Variants in CDH23 observed in about 807,000 individuals in gnomAD.
CDH23 encodes the protein cadherin related 23.
In CDH23, 189 loss-of-function variants were observed where a neutral mutation model predicts 317.1. The ratio of observed to expected loss-of-function variants is 0.60; its 90% CI spans 0.53 to 0.67. The LOEUF is 0.67. CDH23 is among the 30% of genes least tolerant of loss of function. The pLI, the probability that CDH23 is intolerant of heterozygous loss-of-function variation, is 0.00. For missense variants in CDH23, 4,401 were observed against 4,592.4 expected, an observed-to-expected ratio of 0.96 and a Z score of 1.20; for synonymous variants, 1,839 against 1,876.8, an observed-to-expected ratio of 0.98 and a Z score of 0.52.
At chr10:71,532,996 T>C (rs1855489250) in intron 6 of CDH23, among the ~76,000 whole-genome samples, 1 of 152,174 alleles carries the variant, frequency 6.6e-6, no homozygotes, top group South Asian at 2.1e-4. Context: ...CCTCTCAAAG[T>C]GCTGGGATTA....
chr10:71,422,744 CT>C (rs1184395147), intron 1 of CDH23, among the ~76,000 whole-genome samples: 3 of 152,224 alleles, frequency 2.0e-5, no homozygotes, highest in African/African-American at 7.2e-5. Context: ...GCTTTCCTAG[CT>C]GAAGGACCCA....
At chr10:71,430,175 C>T (rs1371286157) in intron 1 of CDH23, among the ~76,000 whole-genome samples, 1 of 152,032 alleles carries the variant, frequency 6.6e-6, no homozygotes, top group Admixed American at 6.5e-5. Context: ...TGGGCTGTTC[C>T]CCTGCTGGTG....
intron 28 of CDH23, chr10:71,713,734 G>T: frequency 6.0e-6 from 1 of 167,756 alleles, no homozygotes; most frequent in East Asian, 1.8e-4. Flanking sequence ...ACCCAATTGA[G>T]AGCCCTCCCC....
intron 38 of CDH23, among the ~76,000 whole-genome samples, chr10:71,760,292 T>TCAC: frequency 9.4e-6 from 1 of 106,938 alleles, no homozygotes; most frequent in South Asian, 2.9e-4. Context: ...TATATATGTG[T>TCAC]ATATATATGT....
intron 49 of CDH23, 33 bp from the exon 50 acceptor site, chr10:71,798,321 T>C: frequency 6.5e-7 from 1 of 1,537,592 alleles, no homozygotes. Flanking sequence ...CTAGTGTCCT[T>C]CCCCTCTCCC....
At chr10:71,453,627 C>T (rs1231533820) in intron 3 of CDH23, among the ~76,000 whole-genome samples, 2 of 152,266 alleles carry the variant, frequency 1.3e-5, no homozygotes, top group African/African-American at 2.4e-5. Flanking sequence ...AACCTCCTCC[C>T]AATGTCCCTT....
rs570012737 is a variant in CDH23, at chr10:71,772,319, C to T, written c.4846-5361C>T. 3.3e-5 allele frequency among the ~76,000 whole-genome samples: 5 copies of T among 152,108 alleles called. 1 individual carries two copies. The South Asian group carries it at 8.3e-4, about 25-fold the overall frequency. On this transcript the variant is annotated intron_variant, in intron 38 of 69. Transcript: ENST00000224721. ...CCCTCTCCTTCTATTCCATCCTGCC[C>T]ACTGGGTCCCTGTGCCAAGCCCTCC...
intron 1 of CDH23, among the ~76,000 whole-genome samples, chr10:71,423,195 A>C (rs752510284): frequency 4.3e-4 from 65 of 152,248 alleles, no homozygotes; most frequent in Non-Finnish European, 3.1e-4. Flanking sequence ...CACACAGTGC[A>C]TGGAGGGTTC....
intron 14 of CDH23, among the ~76,000 whole-genome samples, chr10:71,673,863 G>T (rs1342874925): frequency 1.3e-5 from 2 of 152,214 alleles, no homozygotes; most frequent in Non-Finnish European, 2.9e-5. Flanking sequence ...CAGTGGGAGA[G>T]GCCCCGTCCA....
chr10:71,731,986 G>A lies in CDH23; in HGVS notation c.3716-1G>A. The A allele has an allele frequency of 6.2e-7, 1 of 1,613,206 alleles. No individual in the cohort carries two copies. The highest frequency in any genetic ancestry group is 1.1e-5 in the South Asian group (1 of 90,936). ...TGCACAGCCTCTGTGTCCTCCTACAGGGGATGGTGGCCTGGTGAACTACCG... is the reference window on the plus strand; with the variant it reads ...TGCACAGCCTCTGTGTCCTCCTACAAGGGATGGTGGCCTGGTGAACTACCG... On this transcript the variant is annotated splice_acceptor_variant, in intron 31 of 69. Transcript: ENST00000224721. LOFTEE classifies it high-confidence loss of function.
intron 2 of CDH23, among the ~76,000 whole-genome samples, chr10:71,442,777 C>A (rs909073899): frequency 6.6e-6 from 1 of 152,160 alleles, no homozygotes; most frequent in East Asian, 1.9e-4. Flanking sequence ...TCTGACCATG[C>A]GGCCACCTGG....
Position 71,791,328 on chromosome 10 carries a change from C to T in CDH23, c.6246C>T (p.Cys2082=). 1 of 1,613,266 alleles carries T rather than the reference C, an allele frequency of 6.2e-7. No individual in the cohort carries two copies. The highest frequency in any genetic ancestry group is 8.5e-7 in the Non-Finnish European group (1 of 1,179,640). Reference sequence around the variant, plus strand: ...TCACTGTCCATCTGCTAGAGAACTGCCCGCCTGGTAAGCAGGGGACAGGCC... The same window carrying T: ...TCACTGTCCATCTGCTAGAGAACTGTCCGCCTGGTAAGCAGGGGACAGGCC... ...ATLTVHLLEN[C]PPGFSVLQVT... Residue 2082 remains cysteine (C), a synonymous_variant, in exon 47 of 70, where the codon TGC becomes TGT. Transcript: ENST00000224721.
intron 9 of CDH23, among the ~76,000 whole-genome samples, chr10:71,611,089 T>C (rs1860857840): frequency 9.5e-6 from 1 of 104,796 alleles, no homozygotes; most frequent in African/African-American, 4.7e-5. Context: ...CCCATGGGAA[T>C]TGGATGAAGA....
At chr10:71,643,761 T>C in intron 11 of CDH23, 100 bp from the exon 12 acceptor site, 1 of 736,320 alleles carries the variant, frequency 1.4e-6, no homozygotes, top group Non-Finnish European at 2.5e-6. Flanking sequence ...TGACCCAGGG[T>C]CTCACTGTCT....
intron 17 of CDH23, among the ~76,000 whole-genome samples, chr10:71,681,593 G>C (rs1447680523): frequency 6.6e-6 from 1 of 152,190 alleles, no homozygotes; most frequent in African/African-American, 2.4e-5. Context: ...TAGGTGACTG[G>C]ATGGGTATGA....
At chr10:71,569,598 T>C (rs1857643588) in intron 7 of CDH23, among the ~76,000 whole-genome samples, 1 of 152,182 alleles carries the variant, frequency 6.6e-6, no homozygotes, top group Admixed American at 6.5e-5. Context: ...AAGTCAAAAC[T>C]GTTAGTGGCA....
chr10:71,477,931 C>T (rs1333691045), intron 3 of CDH23, among the ~76,000 whole-genome samples: 5 of 152,136 alleles, frequency 3.3e-5, no homozygotes, highest in Non-Finnish European at 7.4e-5. Flanking sequence ...CCGGGCCAGA[C>T]ATCACTACTC....
At chr10:71,459,508 A>T (rs1850873367) in intron 3 of CDH23, among the ~76,000 whole-genome samples, 1 of 152,172 alleles carries the variant, frequency 6.6e-6, no homozygotes, top group African/African-American at 2.4e-5. Context: ...CAGCTCGGGG[A>T]CAGGAATGAT....
rs1849006230 is a variant in CDH23 at position 71,425,232 on chromosome 10, G to GAGAGAGA, written c.-5-14595_-5-14594insAGAGAGA. ...ATCACAGTGGGGCAGAGAGAGAGAG[G>GAGAGAGA]GAGAGAGAGAGAGAGAGAGAGAGAG... On this transcript the variant is annotated intron_variant, in intron 1 of 69. Coordinates refer to ENST00000224721, the MANE Select transcript of CDH23 (RefSeq NM_022124.6). Among the ~76,000 whole-genome samples the GAGAGAGA allele has an allele frequency of 7.3e-4, 54 of 73,964 alleles. 8 individuals are homozygous for GAGAGAGA. Among genetic ancestry groups the GAGAGAGA allele is most frequent in the African/African-American group, 2.3e-3 (49 of 21,554 alleles). The allele number at this position is 73,964 out of a possible 152,430, so 48.5% of individuals were successfully genotyped here. A position where few individuals can be genotyped will look rare whatever the true frequency, so the allele number is the denominator to read the frequency against.
Sources: allele counts gnomAD v4.1 joint callset (sites outside exome capture counted in the v4.1 genomes callset), GRCh38; gene constraint gnomAD v4.1.1; transcripts MANE v1.5; gene names NCBI Gene and HGNC (gene_info 2026-07-23, HGNC 2026-07-21).